Variants in CSK observed in about 807,000 individuals in gnomAD.
The protein encoded by CSK is C-terminal Src kinase.
In CSK, 7 loss-of-function variants were observed where a neutral mutation model predicts 62.3. The ratio of observed to expected loss-of-function variants is 0.11; its 90% CI spans 0.06 to 0.21. The LOEUF (loss-of-function observed/expected upper bound fraction) is 0.21. Ranked by LOEUF, CSK falls within the 10% of genes least tolerant of loss-of-function variation. CSK has a pLI of 1.00. For synonymous variants in CSK, 237 were observed against 246.0 expected, an observed-to-expected ratio of 0.96 and a Z score of 0.34; for missense variants, 294 against 613.5, an observed-to-expected ratio of 0.48 and a Z score of 5.50.
At position 74,801,066 on chromosome 15, in the gene CSK, G is replaced by C; in HGVS notation, c.777G>C (p.Lys259Asn). 1 of 1,613,362 alleles carries C rather than the reference G, an allele frequency of 6.2e-7. No homozygotes were observed. Among genetic ancestry groups the C allele is most frequent in the Non-Finnish European group, 8.5e-7 (1 of 1,180,002 alleles). Reference protein sequence around the residue: ...VQLLGVIVEEKGGLYIVTEYM... With the variant: ...VQLLGVIVEENGGLYIVTEYM... ...TCCTGGGCGTGATCGTGGAGGAGAA[G>C]GGCGGGCTCTACATCGTCACTGAGT... Residue 259 changes from lysine to asparagine, a missense_variant, in exon 9 of 13, where the codon AAG becomes AAC. Physicochemically the swap from Lys to Asn is moderately conservative, Grantham distance 94. This residue lies in a region of CSK where 202 missense variants were observed against 415.7 expected (regional missense o/e 0.49). Transcript: ENST00000220003.
At position 74,802,589 on chromosome 15, in the gene CSK, TGG is replaced by T. The variant is rs2063810382; in HGVS notation, c.*78_*79del. On this transcript the variant is annotated 3_prime_UTR_variant, in exon 13 of 13. Transcript: ENST00000220003. The stretch of plus-strand genomic sequence containing the variant: ...TCATGGACCTGGTGCCCCTGCTCAC[TGG>T]GCCCGAGCCTGAACTGAGCCCCAGC... 1 of 1,558,568 alleles carries T rather than the reference TGG, an allele frequency of 6.4e-7. No individual in the cohort carries two copies. Among genetic ancestry groups the T allele is most frequent in the African/African-American group, 1.4e-5 (1 of 72,428 alleles).
rs780001574 is a variant in CSK at position 74,799,325 on chromosome 15, C to T, written c.296C>T (p.Pro99Leu). Residue 99 changes from proline to leucine, a missense_variant, in exon 5 of 13, where the codon CCG (proline) becomes CTG (leucine). By Grantham distance (98) the Pro-to-Leu change is moderately conservative. Coordinates refer to ENST00000220003, the MANE Select transcript of CSK (RefSeq NM_004383.3). ...REQAERLLYP[P>L]ETGLFLVRES... ...CAGGCTGAGCGGCTTCTGTACCCGC[C>T]GGAGACAGGCCTGTTCCTGGTGCGG... 3 of 1,612,452 alleles carry T rather than the reference C, an allele frequency of 1.9e-6. No homozygotes were observed. The highest frequency in any genetic ancestry group is 2.2e-5 in the East Asian group (1 of 44,884).
chr15:74,802,827 T>G lies in CSK; in HGVS notation c.*314T>G. On this transcript the variant is annotated 3_prime_UTR_variant, in exon 13 of 13. Coordinates refer to ENST00000220003, the MANE Select transcript of CSK (RefSeq NM_004383.3). Reference sequence around the variant, plus strand: ...TTCCTTTCCTTTTTTGAGATTTTTTTTCCGTGTGTTTATTTTTTATTATTT... The same window carrying G: ...TTCCTTTCCTTTTTTGAGATTTTTTGTCCGTGTGTTTATTTTTTATTATTT... The G allele has an allele frequency of 3.4e-6, 1 of 289,962 alleles. No homozygotes were observed. The highest frequency in any genetic ancestry group is 6.4e-6 in the Non-Finnish European group (1 of 156,906). 18.0% of individuals were successfully genotyped at this position (289,962 alleles called of 1,614,324 possible).
chr15:74,789,646 C>T (rs75150398), intron 1 of CSK, among the ~76,000 whole-genome samples: 1 of 152,330 alleles, frequency 6.6e-6, no homozygotes, highest in Non-Finnish European at 1.5e-5. Context: ...GGCCCCCATC[C>T]TGAACCTTCT....
chr15:74,783,307 A>C (rs2063466072), intron 1 of CSK, among the ~76,000 whole-genome samples: 1 of 152,004 alleles, frequency 6.6e-6, no homozygotes, highest in Non-Finnish European at 1.5e-5. Context: ...GCCCGGGGGG[A>C]GGTAACGGAG....
chr15:74,796,149 C>T lies in CSK; in HGVS notation c.-65-2084C>T, dbSNP rs34198369. Among the ~76,000 whole-genome samples the T allele has an allele frequency of 1.9e-3, 284 of 151,830 alleles. 1 individual carries two copies. The highest frequency in any genetic ancestry group is 6.6e-3 in the African/African-American group (274 of 41,362). On this transcript the variant is annotated intron_variant, in intron 1 of 12. Transcript: ENST00000220003. ...ATGAGAATCACTTGAACCTGGGAGG[C>T]GGAGGTAGTTGCAGTAAGCCGTGAG...
At chr15:74,785,162 C>CT (rs1207290087) in intron 1 of CSK, among the ~76,000 whole-genome samples, 1 of 152,214 alleles carries the variant, frequency 6.6e-6, no homozygotes, top group Non-Finnish European at 1.5e-5. Context: ...CACTGCCAGT[C>CT]TTTTCCCCAT....
At position 74,782,877 on chromosome 15, in the gene CSK, C is replaced by T. The variant is rs2063457938; in HGVS notation, c.-66+157C>T. Among the ~76,000 whole-genome samples, 1 of 152,276 alleles carries T rather than the reference C, an allele frequency of 6.6e-6. No individual in the cohort carries two copies. The highest frequency in any genetic ancestry group is 1.9e-4 in the East Asian group (1 of 5,204). On this transcript the variant is annotated intron_variant, in intron 1 of 12. Coordinates refer to ENST00000220003, the MANE Select transcript of CSK (RefSeq NM_004383.3). This position sits in a 1 kb window ranked among gnomAD's most constrained non-coding sequence, Gnocchi z 5.7. Reference sequence around the variant, plus strand: ...CTCCCTTGCACGGGTTCGAATTCTCCCAGGAGCCACTGTCAGAACCCAAAT... The same window carrying T: ...CTCCCTTGCACGGGTTCGAATTCTCTCAGGAGCCACTGTCAGAACCCAAAT...
chr15:74,800,762 C>A lies in CSK; in HGVS notation c.622+16C>A. ...GAGTTCGGAGGTGAGCTGGGCCGGG[C>A]CCCCTGGGGGGGTTCTGAGGGACTC... is the stretch of plus-strand genomic sequence containing the variant. On this transcript the variant is annotated intron_variant, in intron 7 of 12. Transcript: ENST00000220003. 6.3e-7 allele frequency: 1 copy of A among 1,581,394 alleles called. No individual in the cohort carries two copies. The highest frequency in any genetic ancestry group is 8.6e-7 in the Non-Finnish European group (1 of 1,163,434).
intron 1 of CSK, among the ~76,000 whole-genome samples, chr15:74,783,311 A>C (rs2063466229): frequency 6.6e-6 from 1 of 152,210 alleles, no homozygotes; most frequent in African/African-American, 2.4e-5. Context: ...GGGGGGAGGT[A>C]ACGGAGCATT....
At chr15:74,801,418 T>C in intron 9 of CSK, 104 bp from the exon 10 acceptor site, 1 of 1,156,520 alleles carries the variant, frequency 8.6e-7, no homozygotes, top group Non-Finnish European at 1.2e-6. Flanking sequence ...CTTCCCTGTC[T>C]CACACCTCCC....
intron 1 of CSK, among the ~76,000 whole-genome samples, chr15:74,784,717 G>A (rs2063489464): frequency 6.6e-6 from 1 of 152,236 alleles, no homozygotes; most frequent in Non-Finnish European, 1.5e-5. Context: ...CTCCAAACAA[G>A]TATAGGTAGG....
intron 1 of CSK, among the ~76,000 whole-genome samples, chr15:74,790,305 G>T (rs555131196): frequency 1.2e-4 from 18 of 152,320 alleles, no homozygotes; most frequent in Non-Finnish European, 2.4e-4. Context: ...AGGGGGAAGG[G>T]CAAGGGAGCC....
chr15:74,798,846 CA>C lies in CSK; in HGVS notation c.155del (p.Asn52ThrfsTer20). ...CCCAGGACCCCAACTGGTACAAAGCCAAAAACAAGGTGGGCCGTGAGGGCAT... is the reference window on the plus strand; with the variant it reads ...CCCAGGACCCCAACTGGTACAAAGCCAAAACAAGGTGGGCCGTGAGGGCAT... ...VTKDPNWYKA[K>X]NKVGREGIIP... On this transcript the variant is annotated frameshift_variant, in exon 4 of 13. Transcript: ENST00000220003. LOFTEE classifies it high-confidence loss of function. This position sits in a 1 kb window ranked among gnomAD's most constrained non-coding sequence, Gnocchi z 6.6. 5 of 1,588,846 alleles carry C rather than the reference CA, an allele frequency of 3.1e-6. No homozygotes were observed. Among genetic ancestry groups the C allele is most frequent in the East Asian group, 2.2e-5 (1 of 44,666 alleles).
chr15:74,793,460 C>T (rs192117089), intron 1 of CSK, among the ~76,000 whole-genome samples: 25 of 152,298 alleles, frequency 1.6e-4, no homozygotes, highest in African/African-American at 3.9e-4. Flanking sequence ...GGGGCCTGTC[C>T]GGCAGGGAGG....
intron 1 of CSK, among the ~76,000 whole-genome samples, chr15:74,786,013 T>TTTTTTTTTTTTTTTTTTTGTGTGTGTGTC: frequency 2.1e-5 from 1 of 47,816 alleles, no homozygotes; most frequent in Non-Finnish European, 5.5e-5. Flanking sequence ...TTTTTTTTTT[T>TTTTTTTTTTTTTTTTTTTGTGTGTGTGTC]TGTGTGTGTG....
intron 1 of CSK, among the ~76,000 whole-genome samples, chr15:74,793,402 CCTCCTCT>C (rs2141805058): frequency 1.3e-5 from 2 of 151,596 alleles, no homozygotes; most frequent in South Asian, 4.2e-4. Context: ...CTCCCTCCTC[CCTCCTCT>C]CCCTTGCCCC....
At chr15:74,790,913 A>G (rs1421786671) in intron 1 of CSK, 1 of 152,182 alleles carries the variant, frequency 6.6e-6, no homozygotes, top group Non-Finnish European at 1.5e-5. Flanking sequence ...GGCAGCCAAC[A>G]CAGCTGGGGA....
Position 74,801,075 on chromosome 15 carries a change from C to T in CSK, c.786C>T (p.Leu262=). Residue 262 remains leucine (L), a synonymous_variant, in exon 9 of 13, where the codon CTC becomes CTT. Coordinates refer to ENST00000220003, the MANE Select transcript of CSK (RefSeq NM_004383.3). The stretch of plus-strand genomic sequence containing the variant: ...TGATCGTGGAGGAGAAGGGCGGGCT[C>T]TACATCGTCACTGAGTACATGGCCA... ...LGVIVEEKGG[L]YIVTEYMAKG... 1 of 1,613,330 alleles carries T rather than the reference C, an allele frequency of 6.2e-7. No homozygotes were observed. Among genetic ancestry groups the T allele is most frequent in the Non-Finnish European group, 8.5e-7 (1 of 1,180,000 alleles).
Sources: allele counts gnomAD v4.1 joint callset (sites outside exome capture counted in the v4.1 genomes callset), GRCh38; gene constraint gnomAD v4.1.1; regional missense constraint gnomAD v4.1.1; non-coding constraint Gnocchi (gnomAD v3.1); transcripts MANE v1.5; gene names NCBI Gene and HGNC (gene_info 2026-07-23, HGNC 2026-07-21).